Variants in SDHA observed in about 807,000 individuals in gnomAD.
SDHA encodes succinate dehydrogenase complex flavoprotein subunit A.
A neutral mutation model predicts 78.4 loss-of-function variants in SDHA; 48 were observed. The observed-to-expected ratio is 0.61, with a 90% CI of 0.49 to 0.78. The LOEUF (loss-of-function observed/expected upper bound fraction) is 0.78, where lower values mean the gene tolerates loss of function less well. Ranked by LOEUF, SDHA falls within the 30% of genes least tolerant of loss-of-function variation. The probability of loss-of-function intolerance (pLI) is 0.00; values close to 1 mark genes in which losing one functional copy is unlikely to be tolerated. For synonymous variants in SDHA, 326 were observed against 353.9 expected, an observed-to-expected ratio of 0.92 and a Z score of 0.88; for missense variants, 680 against 892.7, an observed-to-expected ratio of 0.76 and a Z score of 3.04.
chr5:267,153 A>G, the SDHA span, among the ~76,000 whole-genome samples: 1 of 152,354 alleles, frequency 6.6e-6, no homozygotes, highest in African/African-American at 2.4e-5. Context: ...AAAGCAAAAA[A>G]GGGGAAAAAA....
chr5:246,520 G>A (rs1447562148), intron 11 of SDHA, among the ~76,000 whole-genome samples: 4 of 152,324 alleles, frequency 2.6e-5, no homozygotes, highest in African/African-American at 4.8e-5. Context: ...GCAGCTGATC[G>A]AAAAGCAAGG....
chr5:224,993 A>G (rs1374362679), intron 3 of SDHA: 1 of 332,208 alleles, frequency 3.0e-6, no homozygotes, highest in East Asian at 7.6e-5. Context: ...TGTGGAGTTT[A>G]TTACTTGGCA....
intron 1 of SDHA, among the ~76,000 whole-genome samples, chr5:219,757 A>G (rs1421763698): frequency 6.6e-6 from 1 of 152,224 alleles, no homozygotes; most frequent in Non-Finnish European, 1.5e-5. Context: ...GAGAAAAGCT[A>G]GAGCTAGTGC....
chr5:220,297 C>T (rs143961997), intron 1 of SDHA: 176 of 448,130 alleles, frequency 3.9e-4, no homozygotes, highest in African/African-American at 3.6e-3. Context: ...AAAAAGAAAA[C>T]CAAGAAACTT....
intron 13 of SDHA, among the ~76,000 whole-genome samples, chr5:252,806 T>C (rs1736936866): frequency 6.6e-6 from 1 of 151,292 alleles, no homozygotes; most frequent in Non-Finnish European, 1.5e-5. Flanking sequence ...TAAGCCACCG[T>C]TTCAGACCTG....
intron 4 of SDHA, 131 bp downstream of exon 4, chr5:225,693 G>A: frequency 7.1e-7 from 1 of 1,402,860 alleles, no homozygotes; most frequent in Non-Finnish European, 1.0e-6. Flanking sequence ...CACAAGAAGA[G>A]TCTTTTTCCG....
At position 222,273 on chromosome 5, in the gene SDHA, T is replaced by A. The variant is rs150028417; in HGVS notation, c.64-1209T>A. ...TAATAAGTAATTTCTGAATTGCAAG[T>A]ATTTCTAAATACTTGAAGACATTCC... On this transcript the variant is annotated intron_variant, in intron 1 of 14. Coordinates refer to ENST00000264932, the MANE Select transcript of SDHA (RefSeq NM_004168.4). Among the ~76,000 whole-genome samples, 499 of 152,102 alleles carry A rather than the reference T, an allele frequency of 3.3e-3. 5 individuals are homozygous for A. Among genetic ancestry groups the A allele is most frequent in the Admixed American group, 7.2e-3 (110 of 15,280 alleles).
chr5:257,544 C>T (rs1403098643), downstream of SDHA, among the ~76,000 whole-genome samples: 3 of 141,568 alleles, frequency 2.1e-5, 1 homozygote, highest in Admixed American at 1.4e-4. Context: ...GTGTGAGCTC[C>T]GCGCCCTGCC....
At chr5:243,163 A>G (rs1055334194) in intron 11 of SDHA, among the ~76,000 whole-genome samples, 1 of 152,188 alleles carries the variant, frequency 6.6e-6, no homozygotes, top group Non-Finnish European at 1.5e-5. Context: ...CCCTGTTAGA[A>G]TACACCCTGC....
rs554094206 is a variant in SDHA at position 246,251 on chromosome 5, C to T, written c.1552-4741C>T. ...AGAGAAGACTCAAGCTGCAGCTGATCGAAAAGCAAGGCCATAAAGCCCAAG... is the reference window on the plus strand; with the variant it reads ...AGAGAAGACTCAAGCTGCAGCTGATTGAAAAGCAAGGCCATAAAGCCCAAG... On this transcript the variant is annotated intron_variant, in intron 11 of 14. Transcript: ENST00000264932. 5.9e-5 allele frequency among the ~76,000 whole-genome samples: 9 copies of T among 151,978 alleles called. No individual in the cohort carries two copies. The East Asian group carries it at 7.7e-4, about 13-fold the overall frequency.
chr5:250,435 G>C (rs921102058), intron 11 of SDHA: 1 of 189,622 alleles, frequency 5.3e-6, no homozygotes, highest in African/African-American at 2.4e-5. Context: ...AAGGAACTCA[G>C]TGTACAAGGA....
chr5:218,614 C>G (rs1734524276), intron 1 of SDHA, among the ~76,000 whole-genome samples, 196 bp downstream of exon 1: 1 of 152,154 alleles, frequency 6.6e-6, no homozygotes, highest in Admixed American at 6.5e-5. Flanking sequence ...CCGGGGAGCT[C>G]GGTCCTTAGT....
At chr5:255,396 A>G (rs527910368) in intron 14 of SDHA, among the ~76,000 whole-genome samples, 3 of 151,770 alleles carry the variant, frequency 2.0e-5, no homozygotes, top group African/African-American at 7.3e-5. Flanking sequence ...GTGTATAGAA[A>G]TCACACTTCA....
intron 11 of SDHA, among the ~76,000 whole-genome samples, chr5:246,463 G>T (rs1308242456): frequency 1.3e-5 from 2 of 151,504 alleles, no homozygotes; most frequent in Non-Finnish European, 2.9e-5. Flanking sequence ...AAAAAGCAAG[G>T]CCGTAAAGCT....
intron 4 of SDHA, 25 bp downstream of exon 4, chr5:225,587 T>C (rs1209678933): frequency 6.2e-7 from 1 of 1,613,874 alleles, no homozygotes; most frequent in African/African-American, 1.3e-5. Context: ...GCTCTGGGTG[T>C]TCTCGTGGTC....
At chr5:253,288 T>TA (rs1736972797) in intron 13 of SDHA, among the ~76,000 whole-genome samples, 1 of 152,192 alleles carries the variant, frequency 6.6e-6, no homozygotes. Context: ...TTATTCACCA[T>TA]GAAATTTTAC....
At chr5:223,790 A>G (rs1734847585) in intron 2 of SDHA, among the ~76,000 whole-genome samples, 2 of 137,630 alleles carry the variant, frequency 1.5e-5, no homozygotes, top group Admixed American at 6.9e-5. Flanking sequence ...GTATCTATAA[A>G]CTAGATTTAA....
At chr5:228,357 T>TTTTG (rs772227580) in intron 6 of SDHA, 24 bp downstream of exon 6, 10 of 1,607,670 alleles carry the variant, frequency 6.2e-6, no homozygotes, top group Middle Eastern at 1.7e-4. Context: ...TTCTACTTTA[T>TTTTG]TTTGTTTATA....
chr5:225,280 C>T (rs1051614789), intron 3 of SDHA, 139 bp from the exon 4 acceptor site: 2 of 1,067,062 alleles, frequency 1.9e-6, no homozygotes, highest in African/African-American at 3.1e-5. Flanking sequence ...CGCTGCTCCT[C>T]TGCTGAGGTC....
Sources: gnomAD v4.1 joint callset for allele counts (sites outside exome capture counted in the v4.1 genomes callset) on GRCh38, gnomAD v4.1.1 for gene constraint, MANE v1.5 for transcripts, NCBI Gene and HGNC (gene_info 2026-07-23, HGNC 2026-07-21) for gene names.